Variants in TACC2 observed in about 807,000 individuals in gnomAD.
TACC2 encodes transforming acidic coiled-coil-containing protein 2.
In TACC2, 137 loss-of-function variants were observed where a neutral mutation model predicts 227.3. The observed-to-expected ratio is 0.60, with a 90% confidence interval of 0.52 to 0.69. The LOEUF is 0.69. Ranked by LOEUF, TACC2 falls within the 30% of genes least tolerant of loss-of-function variation. TACC2 has a pLI of 0.00. For synonymous variants in TACC2, 1,523 were observed against 1,487.5 expected (o/e 1.02, Z -0.55); for missense variants, 3,470 against 3,694.4 (o/e 0.94, Z 1.57).
At chr10:122,054,900 C>T (rs1330082079) in intron 3 of TACC2, among the ~76,000 whole-genome samples, 1 of 152,116 alleles carries the variant, frequency 6.6e-6, no homozygotes, top group African/African-American at 2.4e-5. Context: ...CCGGCTGGCT[C>T]CCCGAGGACA....
chr10:121,990,314 C>T (rs560722677), intron 1 of TACC2, among the ~76,000 whole-genome samples: 2 of 151,854 alleles, frequency 1.3e-5, no homozygotes, highest in Admixed American at 6.6e-5. Context: ...ATGGGGGTCT[C>T]GCCGTGTTGG....
chr10:122,114,765 C>A (rs780251100), intron 5 of TACC2, among the ~76,000 whole-genome samples: 2 of 152,146 alleles, frequency 1.3e-5, no homozygotes, highest in African/African-American at 2.4e-5. Flanking sequence ...ATTCATATAC[C>A]GGTGTTATGG....
intron 7 of TACC2, among the ~76,000 whole-genome samples, chr10:122,189,420 C>A (rs2094332392): frequency 6.6e-6 from 1 of 152,148 alleles, no homozygotes; most frequent in South Asian, 2.1e-4. Context: ...TCAGCCTGGA[C>A]AATGCTGGCT....
Position 122,196,943 on chromosome 10 carries a change from A to AC in TACC2, c.5971+1767_5971+1768insC, listed in dbSNP as rs529450629. On this transcript the variant is annotated intron_variant, in intron 8 of 22. Transcript: ENST00000369005. The stretch of plus-strand genomic sequence containing the variant: ...AGAGCGAGTCCGTCTCAAAAAAAAA[A>AC]AAAAAAAACAAAAAAACAAAGAATA... 1.0e-3 allele frequency among the ~76,000 whole-genome samples: 154 copies of AC among 149,870 alleles called. 1 individual carries two copies. The highest frequency in any genetic ancestry group is 1.9e-3 in the South Asian group (9 of 4,742).
rs112111818 is a variant in TACC2, at chr10:122,209,007, C to T, written c.5972-1390C>T. On this transcript the variant is annotated intron_variant, in intron 8 of 22. Transcript: ENST00000369005. The surrounding 1 kb of genome is among the most constrained non-coding windows in gnomAD (Gnocchi z 4.5). ...TAGCCAAGCCAAAGCTGGGGCTGGC[C>T]GGATCCCCATGGGCAGTAGGGTGGT... 7.9e-5 allele frequency among the ~76,000 whole-genome samples: 12 copies of T among 152,320 alleles called. 2 individuals are homozygous for T. The highest frequency in any genetic ancestry group is 1.9e-4 in the East Asian group (1 of 5,182).
rs150404273 is a variant in TACC2 at position 122,216,732 on chromosome 10, A to G, written c.7450A>G (p.Met2484Val). Residue 2484 changes from methionine to valine, a missense_variant, in exon 11 of 23, where the codon ATG becomes GTG. By Grantham distance (21) the Met-to-Val change is conservative. Coordinates refer to ENST00000369005, the MANE Select transcript of TACC2 (RefSeq NM_206862.4). The part of the protein sequence containing the change: ...LAVTNQKWTC[M>V]TVDLEADKQD... ...GGTCACCAACCAGAAGTGGACGTGC[A>G]TGACAGTGGACCTAGAGGCTGACAA... The G allele has an allele frequency of 1.2e-4, 194 of 1,614,156 alleles. 1 individual carries two copies. The highest frequency in any genetic ancestry group is 1.2e-3 in the Middle Eastern group (7 of 6,062).
chr10:122,237,911 T>A (rs2095891252), intron 17 of TACC2, 50 bp from the exon 18 acceptor site: 1 of 1,390,388 alleles, frequency 7.2e-7, no homozygotes, highest in Non-Finnish European at 1.0e-6. Context: ...TGCTCAGAGC[T>A]GAATTCACTC....
At chr10:122,132,934 A>G (rs895480691) in intron 6 of TACC2, among the ~76,000 whole-genome samples, 200 bp downstream of exon 6, 7 of 152,016 alleles carry the variant, frequency 4.6e-5, no homozygotes, top group Non-Finnish European at 7.4e-5. Flanking sequence ...GACCTTAGGA[A>G]TGATCTGAGA....
intron 7 of TACC2, among the ~76,000 whole-genome samples, chr10:122,158,430 A>T (rs1281004194): frequency 6.6e-6 from 1 of 152,070 alleles, no homozygotes; most frequent in Non-Finnish European, 1.5e-5. Flanking sequence ...AAAACCCAAA[A>T]AACAAAAGTC....
chr10:121,994,001 C>T (rs1014086361), intron 1 of TACC2, among the ~76,000 whole-genome samples: 5 of 152,126 alleles, frequency 3.3e-5, no homozygotes, highest in Admixed American at 6.6e-5. Flanking sequence ...TAATATTTTT[C>T]ACTTGATGTA....
intron 7 of TACC2, among the ~76,000 whole-genome samples, chr10:122,173,709 G>A (rs1430111073): frequency 6.6e-6 from 1 of 152,228 alleles, no homozygotes; most frequent in Non-Finnish European, 1.5e-5. Context: ...GTGGTCCTTT[G>A]CCTGCCCTGC....
intron 8 of TACC2, among the ~76,000 whole-genome samples, chr10:122,199,996 G>A (rs529961001): frequency 6.6e-6 from 1 of 152,322 alleles, no homozygotes; most frequent in South Asian, 2.1e-4. Flanking sequence ...CTTATATGAG[G>A]ATTTCAACAT....
At chr10:122,111,248 TG>T (rs939710405) in intron 5 of TACC2, among the ~76,000 whole-genome samples, 1 of 152,224 alleles carries the variant, frequency 6.6e-6, no homozygotes, top group Admixed American at 6.5e-5. Context: ...GATGAAGATG[TG>T]GCCATCTTGC....
chr10:122,155,824 A>G (rs1026659207), intron 7 of TACC2, among the ~76,000 whole-genome samples: 18 of 145,244 alleles, frequency 1.2e-4, no homozygotes, highest in African/African-American at 4.6e-4. Context: ...TATGGTTAAT[A>G]GTGGGAAAAT....
chr10:121,994,324 T>C (rs1953178836), intron 1 of TACC2, among the ~76,000 whole-genome samples: 1 of 152,244 alleles, frequency 6.6e-6, no homozygotes, highest in East Asian at 1.9e-4. Context: ...AAAAGTGGCT[T>C]GTCCCAGCCA....
In TACC2 at chr10:122,083,016, T is replaced by G. The variant is rs776420572; in HGVS notation, c.516T>G (p.Ser172Arg). ...TPYQEIAAVP[S>R]AGRERQPKEE... ...ACCAAGAGATTGCTGCCGTCCCCAG[T>G]GCTGGAAGAGAGAGACAGCCGAAGG... Residue 172 changes from serine (S) to arginine (R), a missense_variant, in exon 4 of 23, where the codon AGT becomes AGG. Coordinates refer to ENST00000369005, the MANE Select transcript of TACC2 (RefSeq NM_206862.4). 2.1e-5 allele frequency: 34 copies of G among 1,612,388 alleles called. No individual in the cohort carries two copies. Among genetic ancestry groups the G allele is most frequent in the Non-Finnish European group, 2.9e-5 (34 of 1,180,006 alleles).
Position 122,084,912 on chromosome 10 carries a change from A to G in TACC2, c.2412A>G (p.Gly804=), listed in dbSNP as rs1407673514. ...TALILDQDQQ[G]IPSCPGEGWI... is the part of the protein sequence containing the mutation. ...TCATCCTGGACCAAGATCAGCAGGG[A>G]ATCCCATCCTGCCCAGGGGAAGGCT... is the stretch of plus-strand genomic sequence containing the variant. The change falls in exon 4 of 23, where the codon GGA becomes GGG. Residue 804 remains glycine (G), a synonymous_variant. Transcript: ENST00000369005. The G allele has an allele frequency of 1.2e-6, 2 of 1,614,104 alleles. No homozygotes were observed. Among genetic ancestry groups the G allele is most frequent in the Non-Finnish European group, 1.7e-6 (2 of 1,180,032 alleles).
intron 1 of TACC2, among the ~76,000 whole-genome samples, chr10:121,997,720 A>G (rs571750322): frequency 2.3e-4 from 35 of 152,334 alleles, no homozygotes; most frequent in Middle Eastern, 3.4e-3. Context: ...GCAAGGGCAC[A>G]TGCTTAACGG....
intron 2 of TACC2, among the ~76,000 whole-genome samples, chr10:122,038,536 GT>G (rs1266698390): frequency 6.6e-6 from 1 of 152,134 alleles, no homozygotes; most frequent in African/African-American, 2.4e-5. Context: ...ACAAAACTAG[GT>G]TCTAAGGTGG....
Sources: gnomAD v4.1 joint callset for allele counts (sites outside exome capture counted in the v4.1 genomes callset) on GRCh38, gnomAD v4.1.1 for gene constraint, Gnocchi (gnomAD v3.1) non-coding constraint, MANE v1.5 for transcripts, NCBI Gene and HGNC (gene_info 2026-07-23, HGNC 2026-07-21) for gene names.